FBN2: variants seen among roughly 807,000 people sequenced by gnomAD.
FBN2 encodes fibrillin-2.
In FBN2, 105 loss-of-function variants were observed where a neutral mutation model predicts 355.6. The ratio of observed to expected loss-of-function variants is 0.30; its 90% confidence interval spans 0.25 to 0.35. The LOEUF (loss-of-function observed/expected upper bound fraction) is 0.35, where lower values mean the gene tolerates loss of function less well. Ranked by LOEUF, FBN2 falls within the 10% of genes least tolerant of loss-of-function variation. The pLI is 1.00. For synonymous variants in FBN2, 1,350 were observed against 1,301.2 expected (o/e 1.04, Z -0.81); for missense variants, 3,280 against 3,758.7 (o/e 0.87, Z 3.33).
At chr5:128,274,071 T>C in intron 60 of FBN2, 103 bp from the exon 61 acceptor site, 29 of 1,375,358 alleles carry the variant, frequency 2.1e-5, no homozygotes, top group Non-Finnish European at 2.9e-5. Flanking sequence ...AGTTTCATGA[T>C]GTGAAAATGG....
Position 128,356,142 on chromosome 5 carries a change from C to A in FBN2, c.2674+1134G>T, listed in dbSNP as rs893953657. ...CCAACCCACACACCCCACCGCCCCC[C>A]CAACCCAGCCCGGAATTCTATAAGA... On this transcript the variant is annotated intron_variant, in intron 20 of 64. Transcript: ENST00000262464. Among the ~76,000 whole-genome samples, 21 of 152,264 alleles carry A rather than the reference C, an allele frequency of 1.4e-4. No individual in the cohort carries two copies. In the East Asian group the frequency reaches 2.9e-3, roughly 21 times the overall value.
chr5:128,432,593 A>T (rs1228089433), intron 7 of FBN2, among the ~76,000 whole-genome samples: 6 of 152,210 alleles, frequency 3.9e-5, no homozygotes, highest in Non-Finnish European at 8.8e-5. Flanking sequence ...AAGTTTGCCA[A>T]GCCCTGATCT....
intron 26 of FBN2, 51 bp downstream of exon 26, chr5:128,338,882 G>A: frequency 6.3e-7 from 1 of 1,595,346 alleles, no homozygotes; most frequent in Non-Finnish European, 8.6e-7. Context: ...GCACGAATGA[G>A]TCTGTGCTAG....
chr5:128,409,192 G>C (rs1753006503), intron 7 of FBN2, among the ~76,000 whole-genome samples: 3 of 152,116 alleles, frequency 2.0e-5, no homozygotes, highest in Admixed American at 2.0e-4. Flanking sequence ...ATTTGAAAAT[G>C]TATAACTAAT....
intron 62 of FBN2, among the ~76,000 whole-genome samples, chr5:128,266,614 A>C (rs1373360589): frequency 6.6e-6 from 1 of 152,172 alleles, no homozygotes; most frequent in Admixed American, 6.5e-5. Context: ...CAGAAACAAA[A>C]ACTTCAGGAA....
chr5:128,506,114 C>T (rs554614989), intron 5 of FBN2, among the ~76,000 whole-genome samples: 1 of 152,274 alleles, frequency 6.6e-6, no homozygotes, highest in East Asian at 1.9e-4. Flanking sequence ...AATGACATCT[C>T]ATTGTGATTT....
rs145426818 is a variant in FBN2 at position 128,372,646 on chromosome 5, C to T, written c.2095+1982G>A. Among the ~76,000 whole-genome samples, 909 of 152,236 alleles carry T rather than the reference C, an allele frequency of 6.0e-3. 5 individuals carry two copies. Among genetic ancestry groups the T allele is most frequent in the African/African-American group, 0.021 (853 of 41,540 alleles). On this transcript the variant is annotated intron_variant, in intron 15 of 64. Coordinates refer to ENST00000262464, the MANE Select transcript of FBN2 (RefSeq NM_001999.4). ...AGCTGGAATTATAGGCACATGCCACCATGCCTGGCTAATTTTTGTATTTTT... is the reference window on the plus strand; with the variant it reads ...AGCTGGAATTATAGGCACATGCCACTATGCCTGGCTAATTTTTGTATTTTT...
intron 25 of FBN2, among the ~76,000 whole-genome samples, chr5:128,340,129 A>C (rs1433979515): frequency 3.9e-5 from 6 of 152,240 alleles, no homozygotes; most frequent in Non-Finnish European, 5.9e-5. Flanking sequence ...AAATATGTTT[A>C]AGAAAACATG....
At chr5:128,454,122 T>C (rs1754325123) in intron 6 of FBN2, among the ~76,000 whole-genome samples, 1 of 152,166 alleles carries the variant, frequency 6.6e-6, no homozygotes, top group African/African-American at 2.4e-5. Flanking sequence ...CTTAGTAGGT[T>C]CAAACACCTT....
chr5:128,519,756 G>A (rs565996484), intron 4 of FBN2, among the ~76,000 whole-genome samples: 1 of 151,286 alleles, frequency 6.6e-6, no homozygotes, highest in African/African-American at 2.4e-5. Context: ...TAAAATATGG[G>A]AAATGAAGGA....
chr5:128,293,561 T>C (rs1040393021), intron 48 of FBN2, among the ~76,000 whole-genome samples: 1 of 152,074 alleles, frequency 6.6e-6, no homozygotes, highest in Non-Finnish European at 1.5e-5. Context: ...TAACGATAGA[T>C]GAAGGAAAAC....
At chr5:128,447,466 G>A (rs1261519446) in intron 6 of FBN2, among the ~76,000 whole-genome samples, 2 of 152,158 alleles carry the variant, frequency 1.3e-5, no homozygotes, top group Non-Finnish European at 2.9e-5. Context: ...AGTGCTCCCA[G>A]GCGTACTATG....
rs369497144 is a variant in FBN2, at chr5:128,345,426, T to G, written c.3148A>C (p.Thr1050Pro). Reference sequence around the variant, plus strand: ...AAGCCAGCCCCGCGGGGGCACAGCGTCTCGTATTCCTTGGTGCCAGGTTTG... The same window carrying G: ...AAGCCAGCCCCGCGGGGGCACAGCGGCTCGTATTCCTTGGTGCCAGGTTTG... The part of the protein sequence containing the change: ...CPKPGTKEYE[T>P]LCPRGAGFAN... Residue 1050 changes from threonine to proline, a missense_variant, in exon 24 of 65, where the codon ACG becomes CCG. Thr to Pro is a conservative substitution (Grantham distance 38). Coordinates refer to ENST00000262464, the MANE Select transcript of FBN2 (RefSeq NM_001999.4). 17 of 1,613,958 alleles carry G rather than the reference T, an allele frequency of 1.1e-5. No individual in the cohort carries two copies. The African/African-American group carries it at 2.3e-4, about 22-fold the overall frequency.
intron 62 of FBN2, among the ~76,000 whole-genome samples, chr5:128,266,092 C>T (rs1765107840): frequency 6.6e-6 from 1 of 152,082 alleles, no homozygotes; most frequent in African/African-American, 2.4e-5. Context: ...TTATTAGTTT[C>T]CTGAAGGGGT....
intron 20 of FBN2, among the ~76,000 whole-genome samples, chr5:128,351,765 T>G (rs977855847): frequency 6.6e-6 from 1 of 152,070 alleles, no homozygotes; most frequent in African/African-American, 2.4e-5. Context: ...ATTGCCATGT[T>G]GCCCAGGTTG....
At chr5:128,354,972 T>A (rs1487512713) in intron 20 of FBN2, among the ~76,000 whole-genome samples, 1 of 152,034 alleles carries the variant, frequency 6.6e-6, no homozygotes, top group Non-Finnish European at 1.5e-5. Context: ...ACACAGAGGC[T>A]CTCGAGGATG....
At chr5:128,440,482 C>A (rs905582475) in intron 7 of FBN2, among the ~76,000 whole-genome samples, 1 of 152,126 alleles carries the variant, frequency 6.6e-6, no homozygotes, top group Non-Finnish European at 1.5e-5. Context: ...AAGAGCTACA[C>A]ACTTCTAAAC....
chr5:128,367,445 G>A (rs2126944448), intron 16 of FBN2, among the ~76,000 whole-genome samples: 1 of 152,050 alleles, frequency 6.6e-6, no homozygotes, highest in African/African-American at 2.4e-5. Flanking sequence ...TTTTTCTATA[G>A]AGGATTTCAA....
At chr5:128,517,444 C>T (rs149073393) in intron 5 of FBN2, among the ~76,000 whole-genome samples, 65 of 152,156 alleles carry the variant, frequency 4.3e-4, no homozygotes, top group African/African-American at 1.3e-3. Context: ...TCTTTTTATG[C>T]TAACGTTTCA....
Sources: allele counts gnomAD v4.1 joint callset (sites outside exome capture counted in the v4.1 genomes callset), GRCh38; gene constraint gnomAD v4.1.1; transcripts MANE v1.5; gene names NCBI Gene and HGNC (gene_info 2026-07-23, HGNC 2026-07-21).